The following TRMT13 variants were observed in gnomAD, a reference collection of about 807,000 sequenced individuals.
The protein encoded by TRMT13 is tRNA methyltransferase 13, also known as tRNA:m(4)X modification enzyme TRM13 homolog.
TRMT13 carries 45 observed loss-of-function variants against 55.9 expected under a neutral mutation model. The ratio of observed to expected loss-of-function variants is 0.80; its 90% CI spans 0.63 to 1.03. TRMT13 has a LOEUF of 1.03. Ranked by LOEUF, TRMT13 falls within the 50% of genes least tolerant of loss-of-function variation. The pLI is 0.00. For synonymous variants in TRMT13, 183 were observed against 196.3 expected, an observed-to-expected ratio of 0.93 and a Z score of 0.57; for missense variants, 513 against 563.9, an observed-to-expected ratio of 0.91 and a Z score of 0.91.
intron 3 of TRMT13, among the ~76,000 whole-genome samples, chr1:100,139,295 A>G (rs951907294): frequency 6.6e-6 from 1 of 152,256 alleles, no homozygotes; most frequent in Admixed American, 6.5e-5. Context: ...AGACAAAATT[A>G]TTACAGTTCT....
At chr1:100,146,898 G>A (rs1657337659) in intron 9 of TRMT13, among the ~76,000 whole-genome samples, 2 of 152,282 alleles carry the variant, frequency 1.3e-5, no homozygotes, top group South Asian at 4.1e-4. Flanking sequence ...GAAAATAATA[G>A]TTTATGAAAT....
intron 4 of TRMT13, 56 bp downstream of exon 4, chr1:100,139,767 G>A: frequency 9.0e-7 from 1 of 1,107,838 alleles, no homozygotes; most frequent in Non-Finnish European, 1.3e-6. Flanking sequence ...CTCTCTTCAT[G>A]ATGTGAATAA....
At chr1:100,144,304 C>T (rs982300481) in intron 9 of TRMT13, 161 bp downstream of exon 9, 4 of 558,198 alleles carry the variant, frequency 7.2e-6, no homozygotes, top group Non-Finnish European at 1.3e-5. Context: ...CATAGCTTTC[C>T]TATTTATCTG....
At chr1:100,140,631 C>G in intron 6 of TRMT13, 117 bp downstream of exon 6, 2 of 915,572 alleles carry the variant, frequency 2.2e-6, no homozygotes, top group Non-Finnish European at 3.3e-6. Context: ...CCAAATATTT[C>G]CATTTCAAAA....
chr1:100,133,369 C>A (rs1655297970), intron 1 of TRMT13, 54 bp downstream of exon 1: 1 of 1,572,516 alleles, frequency 6.4e-7, no homozygotes, highest in Non-Finnish European at 8.6e-7. Context: ...CTGGTCCTGT[C>A]GGTGCTGGAA....
chr1:100,143,169 G>A lies in TRMT13; in HGVS notation c.702G>A (p.Val234=). ...GAAAACACAGAAAGAAAAATTCAGTGTTTGAAAGACTTCAAATTGATATTC... is the reference window on the plus strand; with the variant it reads ...GAAAACACAGAAAGAAAAATTCAGTATTTGAAAGACTTCAAATTGATATTC... ...VDGKHRKKNS[V]FERLQIDIQH... The change falls in exon 8 of 11, where the codon GTG becomes GTA. Residue 234 remains valine (V), a synonymous_variant. Transcript: ENST00000370141. 1 of 1,610,746 alleles carries A rather than the reference G, an allele frequency of 6.2e-7. No individual in the cohort carries two copies. Among genetic ancestry groups the A allele is most frequent in the Non-Finnish European group, 8.5e-7 (1 of 1,178,128 alleles).
chr1:100,146,652 C>T (rs1026177789), intron 9 of TRMT13, among the ~76,000 whole-genome samples: 2 of 152,138 alleles, frequency 1.3e-5, no homozygotes, highest in Non-Finnish European at 2.9e-5. Context: ...ACTACAGACT[C>T]GTGCCACCAC....
chr1:100,137,180 A>C (rs1655989870), intron 3 of TRMT13, 95 bp downstream of exon 3: 1 of 1,059,340 alleles, frequency 9.4e-7, no homozygotes, highest in South Asian at 1.5e-5. Context: ...ATAGCTGAGG[A>C]ACCCAAGCTC....
intron 9 of TRMT13, chr1:100,144,434 G>T: frequency 4.6e-6 from 1 of 217,116 alleles, no homozygotes; most frequent in South Asian, 1.1e-4. Context: ...GACCATTTAT[G>T]GAAACTGTAT....
At chr1:100,148,360 A>G in intron 10 of TRMT13, 34 bp downstream of exon 10, 4 of 1,574,872 alleles carry the variant, frequency 2.5e-6, no homozygotes, top group South Asian at 1.1e-5. Flanking sequence ...ATGATACTAA[A>G]GGAGAAATAT....
In TRMT13 at chr1:100,140,960, T is replaced by A. The variant is rs144357749; in HGVS notation, c.610T>A (p.Leu204Ile). 6.2e-6 allele frequency: 10 copies of A among 1,613,560 alleles called. No homozygotes were observed. The highest frequency in any genetic ancestry group is 8.5e-6 in the Non-Finnish European group (10 of 1,179,794). ...ATTATCTCATTGGGTTGATATTGCC[T>A]TAAAAGATGCTGAAAAAGTTCACTT... ...GKLSHWVDIA[L>I]KDAEKVHFIL... Residue 204 changes from leucine (L) to isoleucine (I), a missense_variant, in exon 7 of 11, where the codon TTA becomes ATA. Coordinates refer to ENST00000370141, the MANE Select transcript of TRMT13 (RefSeq NM_019083.3).
At position 100,139,665 on chromosome 1, in the gene TRMT13, A is replaced by G; in HGVS notation, c.278A>G (p.Asp93Gly). Residue 93 changes from aspartate to glycine, a missense_variant, in exon 4 of 11, where the codon GAT becomes GGT. Physicochemically the swap from Asp to Gly is moderately conservative, Grantham distance 94 (BLOSUM62 -1). Coordinates refer to ENST00000370141, the MANE Select transcript of TRMT13 (RefSeq NM_019083.3). ...TTTGTTAAGGATTTCTATATTCAAG[A>G]TATTAATGCAGGCTTAAGAGATGAA... ...EKPKPDFYIQ[D>G]INAGLRDETE... 1 of 1,541,866 alleles carries G rather than the reference A, an allele frequency of 6.5e-7. No homozygotes were observed. The highest frequency in any genetic ancestry group is 8.9e-7 in the Non-Finnish European group (1 of 1,117,624).
At position 100,148,683 on chromosome 1, in the gene TRMT13, C is replaced by T; in HGVS notation, c.1309C>T (p.Gln437Ter). Residue 437 changes from glutamine to a stop codon, truncating the protein, a stop_gained, in exon 11 of 11, where the codon CAA becomes TAA. Coordinates refer to ENST00000370141, the MANE Select transcript of TRMT13 (RefSeq NM_019083.3). LOFTEE classifies it high-confidence loss of function. ...IGHLCKLLID[Q>*]GRIQYLQQKG... is the part of the protein sequence containing the mutation. ...GCATCTTTGTAAATTGCTGATTGAC[C>T]AAGGTCGAATCCAGTATTTGCAGCA... 1 of 1,613,242 alleles carries T rather than the reference C, an allele frequency of 6.2e-7. No homozygotes were observed. The highest frequency in any genetic ancestry group is 8.5e-7 in the Non-Finnish European group (1 of 1,179,756).
intron 1 of TRMT13, 83 bp downstream of exon 1, chr1:100,133,398 T>G: frequency 6.8e-7 from 1 of 1,472,432 alleles, no homozygotes; most frequent in Non-Finnish European, 9.1e-7. Context: ...CTCCCCTCTT[T>G]GACAGCTTTC....
At chr1:100,144,579 AT>A (rs1454934921) in intron 9 of TRMT13, 7 of 154,304 alleles carry the variant, frequency 4.5e-5, no homozygotes, top group African/African-American at 1.7e-4. Context: ...AAAAAAAAAA[AT>A]CTAAGATGTC....
Position 100,147,835 on chromosome 1 carries a change from A to G in TRMT13, c.818-59A>G, listed in dbSNP as rs1162391367. 2.7e-6 allele frequency: 4 copies of G among 1,473,016 alleles called. No individual in the cohort carries two copies. The African/African-American group carries it at 5.7e-5, about 21-fold the overall frequency. 91.2% of individuals were successfully genotyped at this position (1,473,016 alleles called of 1,614,324 possible). A position where few individuals can be genotyped will look rare whatever the true frequency, so the allele number is the denominator to read the frequency against. On this transcript the variant is annotated intron_variant, in intron 9 of 10. Transcript: ENST00000370141. ...AAAACAGTACTGCTTAATAAATGTA[A>G]AAAGTATTTATTTTTAAAGATGATG...
Position 100,149,225 on chromosome 1 carries a change from G to A in TRMT13, c.*405G>A, listed in dbSNP as rs1032904274. ...TAAGTTCAAGAGGTAGTGATTGATT[G>A]TAACAAGGGCCAATCTGAGAATTTG... On this transcript the variant is annotated 3_prime_UTR_variant, in exon 11 of 11. Transcript: ENST00000370141. 5.4e-6 allele frequency: 8 copies of A among 1,492,022 alleles called. No homozygotes were observed. The highest frequency in any genetic ancestry group is 7.1e-6 in the Non-Finnish European group (8 of 1,127,188). The allele number at this position is 1,492,022 out of a possible 1,614,324, so 92.4% of individuals were successfully genotyped here.
chr1:100,148,025 G>T lies in TRMT13; in HGVS notation c.949G>T (p.Glu317Ter). 2 of 1,614,016 alleles carry T rather than the reference G, an allele frequency of 1.2e-6. No individual in the cohort carries two copies. Among genetic ancestry groups the T allele is most frequent in the Non-Finnish European group, 1.7e-6 (2 of 1,179,978 alleles). ...TTACACTTTGGCCAAGGAAGGAAAT[G>T]AAAAAAATGTCCCAGAGAAGTGGAA... ...EIYTLAKEGN[E>*]KNVPEKWNPV... Residue 317 changes from glutamate (E) to a stop codon, truncating the protein, a stop_gained, in exon 10 of 11, where the codon GAA (glutamate) becomes TAA (stop). Transcript: ENST00000370141. LOFTEE classifies it high-confidence loss of function.
Position 100,148,071 on chromosome 1 carries a change from T to C in TRMT13, c.995T>C (p.Ile332Thr), listed in dbSNP as rs1212545081. 1.2e-6 allele frequency: 2 copies of C among 1,614,246 alleles called. No individual in the cohort carries two copies. Among genetic ancestry groups the C allele is most frequent in the East Asian group, 2.2e-5 (1 of 44,888 alleles). ...TGGAACCCTGTGGCTGGCATTGTTA[T>C]TGCACTCTGTTGTCACCACAGGTGT... ...EKWNPVAGIVIALCCHHRCDW... is the reference protein window; with the variant it reads ...EKWNPVAGIVTALCCHHRCDW... Residue 332 changes from isoleucine (I) to threonine (T), a missense_variant, in exon 10 of 11, where the codon ATT (isoleucine) becomes ACT (threonine). Coordinates refer to ENST00000370141, the MANE Select transcript of TRMT13 (RefSeq NM_019083.3).
Sources: gnomAD v4.1 joint callset for allele counts (sites outside exome capture counted in the v4.1 genomes callset) on GRCh38, gnomAD v4.1.1 for gene constraint, MANE v1.5 for transcripts, NCBI Gene and HGNC (gene_info 2026-07-23, HGNC 2026-07-21) for gene names.